Variants in RANBP2 observed in about 807,000 individuals in gnomAD.
The protein encoded by RANBP2 is E3 SUMO-protein ligase RanBP2.
A neutral mutation model predicts 303.6 loss-of-function variants in RANBP2; 57 were observed. That is an observed-to-expected ratio of 0.19 (90% CI 0.15 to 0.23). The LOEUF (loss-of-function observed/expected upper bound fraction) is 0.23, where lower values mean the gene tolerates loss of function less well. RANBP2 is among the 10% of genes least tolerant of loss of function. The pLI, the probability that RANBP2 is intolerant of heterozygous loss-of-function variation, is 1.00. For missense variants in RANBP2, 3,138 were observed against 3,780.8 expected, an observed-to-expected ratio of 0.83 and a Z score of 4.46; for synonymous variants, 1,167 against 1,301.5, an observed-to-expected ratio of 0.90 and a Z score of 2.23.
the RANBP2 span, chr2:109,544,048 A>G: frequency 1.9e-6 from 2 of 1,066,222 alleles, no homozygotes; most frequent in Non-Finnish European, 2.7e-6. Flanking sequence ...GGGTCAAGTC[A>G]GTGCTCAAAA....
the RANBP2 span, among the ~76,000 whole-genome samples, chr2:109,732,116 C>T: frequency 2.6e-5 from 4 of 152,240 alleles, no homozygotes; most frequent in South Asian, 8.3e-4. Flanking sequence ...CCTCAGCTTC[C>T]CAAAGTGTTG....
the RANBP2 span, among the ~76,000 whole-genome samples, chr2:109,603,242 T>G: frequency 2.0e-5 from 3 of 151,968 alleles, no homozygotes; most frequent in Non-Finnish European, 4.4e-5. Context: ...TTAATATTAT[T>G]ATTTTTTTTT....
At chr2:109,019,801 G>A in the RANBP2 span, among the ~76,000 whole-genome samples, 2 of 152,158 alleles carry the variant, frequency 1.3e-5, no homozygotes, top group Non-Finnish European at 2.9e-5. Context: ...GGCTTCTCCT[G>A]TCCACAGTAC....
chr2:108,745,184 A>G (rs1696415049), intron 7 of RANBP2, among the ~76,000 whole-genome samples: 1 of 150,170 alleles, frequency 6.7e-6, no homozygotes, highest in Admixed American at 6.7e-5. Context: ...GAATTCCTGA[A>G]AGAATTGCAG....
chr2:109,093,453 A>G, the RANBP2 span, among the ~76,000 whole-genome samples: 5 of 151,728 alleles, frequency 3.3e-5, no homozygotes, highest in Non-Finnish European at 5.9e-5. Context: ...AAAAGCAAAG[A>G]AATAAACTGC....
At chr2:109,560,900 A>G in the RANBP2 span, among the ~76,000 whole-genome samples, 6 of 152,112 alleles carry the variant, frequency 3.9e-5, no homozygotes, top group Admixed American at 6.5e-5. Flanking sequence ...CATCTCTCAA[A>G]TATGTCCAGC....
chr2:108,763,596 G>A lies in RANBP2; in HGVS notation c.3057G>A (p.Leu1019=), dbSNP rs998564287. 3.7e-6 allele frequency: 6 copies of A among 1,613,898 alleles called. No individual in the cohort carries two copies. In the African/African-American group the frequency reaches 4.0e-5, roughly 11 times the overall value. The change falls in exon 20 of 29, where the codon TTG becomes TTA. Residue 1019 remains leucine (L), a synonymous_variant. Transcript: ENST00000283195. ...PMPGEGLRPS[L]PTQAHTTQPT... ...CGGGTGAAGGATTAAGGCCATCTTT[G>A]CCAACACAAGCACACACAACACAGC...
the RANBP2 span, among the ~76,000 whole-genome samples, chr2:109,534,826 T>C: frequency 1.3e-5 from 2 of 152,164 alleles, no homozygotes; most frequent in African/African-American, 4.8e-5. Flanking sequence ...TGTTTTGTTT[T>C]AAGTATTGCT....
At chr2:109,347,221 G>C in the RANBP2 span, among the ~76,000 whole-genome samples, 1 of 152,228 alleles carries the variant, frequency 6.6e-6, no homozygotes, top group African/African-American at 2.4e-5. Context: ...ATAGGAGCCA[G>C]TGGAAAATGA....
At chr2:109,235,666 G>A in the RANBP2 span, among the ~76,000 whole-genome samples, 88 of 152,306 alleles carry the variant, frequency 5.8e-4, no homozygotes, top group African/African-American at 2.0e-3. Flanking sequence ...AGGGAGAGAG[G>A]GAGAGTGTAC....
the RANBP2 span, among the ~76,000 whole-genome samples, chr2:108,819,546 G>A: frequency 1.3e-5 from 2 of 152,170 alleles, no homozygotes; most frequent in African/African-American, 2.4e-5. Context: ...GGGACACAGC[G>A]ATTATGGGTT....
At chr2:109,176,686 A>G in the RANBP2 span, among the ~76,000 whole-genome samples, 1 of 152,160 alleles carries the variant, frequency 6.6e-6, no homozygotes, top group Non-Finnish European at 1.5e-5. Context: ...TCAGTGAGCT[A>G]TGATGGTGTC....
At chr2:109,413,615 C>T in the RANBP2 span, among the ~76,000 whole-genome samples, 2 of 152,188 alleles carry the variant, frequency 1.3e-5, no homozygotes, top group African/African-American at 4.8e-5. Flanking sequence ...TCACCAGGAC[C>T]TGGGGCTGTA....
the RANBP2 span, among the ~76,000 whole-genome samples, chr2:109,192,317 A>G: frequency 6.6e-6 from 1 of 152,224 alleles, no homozygotes; most frequent in Non-Finnish European, 1.5e-5. Context: ...AGATGCTTGG[A>G]TACAAAAAGC....
chr2:109,208,000 G>A, the RANBP2 span, among the ~76,000 whole-genome samples: 2 of 152,084 alleles, frequency 1.3e-5, no homozygotes, highest in Non-Finnish European at 2.9e-5. Flanking sequence ...TTAAATTCTG[G>A]TGAGATTTAA....
the RANBP2 span, chr2:108,910,686 CAGAAGCAGCGAGGA>C: frequency 6.7e-7 from 1 of 1,493,178 alleles, no homozygotes; most frequent in East Asian, 2.3e-5. Context: ...CATGTGAGAG[CAGAAGCAGCGAGGA>C]GGCTGCTTCT....
chr2:109,624,785 G>A, the RANBP2 span, among the ~76,000 whole-genome samples: 1 of 152,136 alleles, frequency 6.6e-6, no homozygotes, highest in African/African-American at 2.4e-5. Context: ...CCTCTTCTTA[G>A]AAATGCAGAA....
chr2:109,686,606 T>A, the RANBP2 span, among the ~76,000 whole-genome samples: 1 of 152,224 alleles, frequency 6.6e-6, no homozygotes, highest in East Asian at 1.9e-4. Flanking sequence ...AGCCACAGCG[T>A]CCGGCTTCTT....
At chr2:109,552,819 A>G in the RANBP2 span, 2 of 355,690 alleles carry the variant, frequency 5.6e-6, no homozygotes, top group South Asian at 9.8e-5. Flanking sequence ...CCAAGAGGGT[A>G]GCTGCTGCAG....
Sources: allele counts gnomAD v4.1 joint callset (sites outside exome capture counted in the v4.1 genomes callset), GRCh38; gene constraint gnomAD v4.1.1; transcripts MANE v1.5; gene names NCBI Gene and HGNC (gene_info 2026-07-23, HGNC 2026-07-21).